The following RBMS3 variants were observed in gnomAD, a reference collection of about 807,000 sequenced individuals.
RBMS3 encodes the protein RNA-binding motif, single-stranded-interacting protein 3.
RBMS3 carries 27 observed loss-of-function variants against 66.8 expected under a neutral mutation model. The ratio of observed to expected loss-of-function variants is 0.40; its 90% CI spans 0.30 to 0.56. The LOEUF is 0.56. Among genes scored for constraint, RBMS3 ranks in the 20% least tolerant of loss-of-function variants. RBMS3 has a pLI of 0.40. For missense variants in RBMS3, 513 were observed against 549.5 expected, an observed-to-expected ratio of 0.93 and a Z score of 0.66; for synonymous variants, 188 against 183.0, an observed-to-expected ratio of 1.03 and a Z score of -0.22.
intron 1 of RBMS3, among the ~76,000 whole-genome samples, chr3:29,362,370 C>G (rs1345602721): frequency 2.6e-5 from 4 of 152,330 alleles, no homozygotes; most frequent in Admixed American, 2.6e-4. Context: ...GCGAATATTG[C>G]TGAACAGCAA....
At chr3:29,290,241 AT>A (rs1408232989) in intron 1 of RBMS3, among the ~76,000 whole-genome samples, 6 of 151,884 alleles carry the variant, frequency 4.0e-5, no homozygotes, top group Non-Finnish European at 8.8e-5. Context: ...AAGCAAATAT[AT>A]TTTTTAACTA....
chr3:29,788,683 CAAT>C lies in RBMS3; in HGVS notation c.637+25696_637+25698del, dbSNP rs560639453. On this transcript the variant is annotated intron_variant, in intron 6 of 14. Coordinates refer to ENST00000383767, the MANE Select transcript of RBMS3 (RefSeq NM_001003793.3). ...GTTTACAATCTTTATTTATTGTGAA[CAAT>C]ATAAAAATGAAAAGTAAATGTCTGT... Among the ~76,000 whole-genome samples, 28 of 151,912 alleles carry C rather than the reference CAAT, an allele frequency of 1.8e-4. No homozygotes were observed. The East Asian group carries it at 5.4e-3, about 29-fold the overall frequency.
chr3:29,441,730 A>T (rs1187695870), intron 2 of RBMS3, among the ~76,000 whole-genome samples: 1 of 152,182 alleles, frequency 6.6e-6, no homozygotes, highest in Non-Finnish European at 1.5e-5. Context: ...GTATGGGTCA[A>T]CCTGGATTTT....
chr3:29,448,412 G>A (rs1042992615), intron 2 of RBMS3, among the ~76,000 whole-genome samples: 1 of 152,178 alleles, frequency 6.6e-6, no homozygotes, highest in Admixed American at 6.5e-5. Context: ...AGCAGAAAGG[G>A]ATTTGCTGTC....
chr3:29,475,822 A>G (rs530022884), intron 2 of RBMS3, among the ~76,000 whole-genome samples: 1 of 152,314 alleles, frequency 6.6e-6, no homozygotes, highest in South Asian at 2.1e-4. Flanking sequence ...TATTGAGAGC[A>G]TTATGTGGGG....
chr3:29,452,944 C>T (rs2042062083), intron 2 of RBMS3, among the ~76,000 whole-genome samples: 1 of 152,002 alleles, frequency 6.6e-6, no homozygotes, highest in South Asian at 2.1e-4. Flanking sequence ...GTTTACATAG[C>T]CTGAAAATGT....
At chr3:29,638,009 T>C (rs1447888303) in intron 4 of RBMS3, among the ~76,000 whole-genome samples, 3 of 151,868 alleles carry the variant, frequency 2.0e-5, no homozygotes, top group Non-Finnish European at 2.9e-5. Flanking sequence ...GGAAGAATCA[T>C]GGTTTGTAAA....
intron 1 of RBMS3, among the ~76,000 whole-genome samples, chr3:29,298,144 C>G (rs922895711): frequency 1.3e-5 from 2 of 151,828 alleles, no homozygotes; most frequent in Admixed American, 1.3e-4. Flanking sequence ...GATCCCCACC[C>G]CCTGCATGTG....
At chr3:29,934,181 T>G (rs2061205154) in intron 10 of RBMS3, 1 of 152,094 alleles carries the variant, frequency 6.6e-6, no homozygotes, top group South Asian at 2.1e-4. Context: ...ATTGTGACAG[T>G]TTAGCTGCAT....
intron 2 of RBMS3, among the ~76,000 whole-genome samples, chr3:29,484,916 C>G (rs1477964049): frequency 6.6e-6 from 1 of 152,110 alleles, no homozygotes; most frequent in East Asian, 1.9e-4. Flanking sequence ...AATGAGTTAG[C>G]TGAGAGTTAA....
intron 3 of RBMS3, among the ~76,000 whole-genome samples, chr3:29,503,051 T>C (rs1684154484): frequency 6.6e-6 from 1 of 152,144 alleles, no homozygotes; most frequent in Admixed American, 6.6e-5. Context: ...TTCAAATAGC[T>C]TGCGTGTAGT....
chr3:29,846,909 C>T (rs546966378), intron 6 of RBMS3, among the ~76,000 whole-genome samples: 1 of 152,144 alleles, frequency 6.6e-6, no homozygotes, highest in Admixed American at 6.5e-5. Context: ...TTTTCTTCCC[C>T]TAATGAAATA....
intron 4 of RBMS3, among the ~76,000 whole-genome samples, chr3:29,588,583 T>A (rs748053708): frequency 6.6e-6 from 1 of 152,092 alleles, no homozygotes; most frequent in Non-Finnish European, 1.5e-5. Context: ...ATAGATTACT[T>A]TGGTGAACTC....
chr3:29,778,452 G>A (rs1402870878), intron 6 of RBMS3, among the ~76,000 whole-genome samples: 1 of 150,724 alleles, frequency 6.6e-6, no homozygotes, highest in Non-Finnish European at 1.5e-5. Flanking sequence ...TTGTGCAAGG[G>A]GATTGGGGAA....
chr3:29,536,242 A>G (rs980156111), intron 3 of RBMS3, among the ~76,000 whole-genome samples: 4 of 152,206 alleles, frequency 2.6e-5, no homozygotes, highest in South Asian at 2.1e-4. Flanking sequence ...ACAGTCATTT[A>G]TGGTAATTTC....
intron 12 of RBMS3, among the ~76,000 whole-genome samples, chr3:29,971,766 A>G (rs1487860522): frequency 6.6e-6 from 1 of 152,180 alleles, no homozygotes; most frequent in Non-Finnish European, 1.5e-5. Context: ...AAAAGCTGTT[A>G]GATGTCATAA....
At chr3:29,698,282 A>G (rs1474951963) in intron 4 of RBMS3, 1 of 985,276 alleles carries the variant, frequency 1.0e-6, no homozygotes, top group African/African-American at 1.7e-5. Context: ...GGCAAAATGT[A>G]GTCCCTGGTG....
chr3:29,546,449 A>T (rs2045952823), intron 3 of RBMS3, among the ~76,000 whole-genome samples: 1 of 152,140 alleles, frequency 6.6e-6, no homozygotes, highest in Admixed American at 6.5e-5. Flanking sequence ...TGGGATACGT[A>T]CACATGAAAA....
chr3:29,494,714 C>T (rs910524023), intron 3 of RBMS3, among the ~76,000 whole-genome samples: 4 of 152,182 alleles, frequency 2.6e-5, no homozygotes, highest in African/African-American at 9.7e-5. Context: ...CTATTGGAAA[C>T]AAGGTGTAAA....
Sources: allele counts gnomAD v4.1 joint callset (sites outside exome capture counted in the v4.1 genomes callset), GRCh38; gene constraint gnomAD v4.1.1; transcripts MANE v1.5; gene names NCBI Gene and HGNC (gene_info 2026-07-23, HGNC 2026-07-21).